Variants in NELL1 observed in about 807,000 individuals in gnomAD.
NELL1 encodes the protein neural EGFL like 1, also known as protein kinase C-binding protein NELL1.
A neutral mutation model predicts 107.4 loss-of-function variants in NELL1; 76 were observed. The observed-to-expected ratio is 0.71, with a 90% confidence interval of 0.59 to 0.86. NELL1 has a LOEUF of 0.86. NELL1 is among the 40% of genes least tolerant of loss of function. NELL1 has a pLI of 0.00. For synonymous variants in NELL1, 353 were observed against 341.2 expected, an observed-to-expected ratio of 1.03 and a Z score of -0.38; for missense variants, 1,024 against 1,005.5, an observed-to-expected ratio of 1.02 and a Z score of -0.25.
At chr11:20,710,526 C>T (rs890600635) in intron 2 of NELL1, among the ~76,000 whole-genome samples, 1 of 151,994 alleles carries the variant, frequency 6.6e-6, no homozygotes, top group African/African-American at 2.4e-5. Context: ...TATGTCCTTT[C>T]CTGGTTTTGG....
intron 3 of NELL1, among the ~76,000 whole-genome samples, chr11:20,844,050 G>A (rs1156729799): frequency 1.3e-5 from 2 of 152,200 alleles, no homozygotes; most frequent in Non-Finnish European, 2.9e-5. Context: ...TAGTTGATGG[G>A]AAAGTCAGTG....
chr11:20,995,331 C>T (rs976942237), intron 12 of NELL1, among the ~76,000 whole-genome samples: 2 of 152,002 alleles, frequency 1.3e-5, no homozygotes, highest in Non-Finnish European at 2.9e-5. Context: ...CCTGTAATCC[C>T]AGCACTTTGG....
At chr11:20,700,946 G>A (rs957417960) in intron 2 of NELL1, among the ~76,000 whole-genome samples, 1 of 152,134 alleles carries the variant, frequency 6.6e-6, no homozygotes, top group Non-Finnish European at 1.5e-5. Context: ...CTTTGCTATT[G>A]TGAATAGTGC....
At chr11:21,085,242 CAAAT>C (rs777902466) in intron 12 of NELL1, among the ~76,000 whole-genome samples, 3 of 152,104 alleles carry the variant, frequency 2.0e-5, no homozygotes, top group African/African-American at 4.8e-5. Context: ...AAATAGGTGA[CAAAT>C]AAAAAGTGAA....
chr11:21,549,442 A>G (rs899535301), intron 16 of NELL1, among the ~76,000 whole-genome samples: 1 of 151,934 alleles, frequency 6.6e-6, no homozygotes, highest in Non-Finnish European at 1.5e-5. Context: ...AAGATACATG[A>G]AAGATACATG....
chr11:21,011,967 A>G (rs138023976), intron 12 of NELL1, among the ~76,000 whole-genome samples: 44 of 152,310 alleles, frequency 2.9e-4, no homozygotes, highest in Admixed American at 7.8e-4. Context: ...TGTGAAGTGT[A>G]GAAAACTATT....
intron 15 of NELL1, among the ~76,000 whole-genome samples, chr11:21,465,734 T>C (rs913075094): frequency 6.6e-6 from 1 of 152,090 alleles, no homozygotes; most frequent in African/African-American, 2.4e-5. Context: ...CAAAAGCTCA[T>C]TCTAAAACAC....
chr11:21,126,651 C>T (rs1281141571), intron 13 of NELL1, among the ~76,000 whole-genome samples: 1 of 152,170 alleles, frequency 6.6e-6, no homozygotes, highest in African/African-American at 2.4e-5. Flanking sequence ...ACCTGTTCAC[C>T]ATATTTCCTT....
intron 5 of NELL1, among the ~76,000 whole-genome samples, chr11:20,893,387 TAAA>T (rs1022434139): frequency 2.7e-5 from 4 of 147,828 alleles, no homozygotes; most frequent in Non-Finnish European, 4.5e-5. Flanking sequence ...TTTTAATAAA[TAAA>T]AAAATAATTA....
intron 5 of NELL1, among the ~76,000 whole-genome samples, chr11:20,904,144 C>T (rs1849939566): frequency 6.6e-6 from 1 of 151,892 alleles, no homozygotes; most frequent in African/African-American, 2.4e-5. Context: ...ACCAGCATGG[C>T]ACATGCATAC....
At chr11:21,357,127 T>A (rs1207886119) in intron 14 of NELL1, among the ~76,000 whole-genome samples, 1 of 152,232 alleles carries the variant, frequency 6.6e-6, no homozygotes, top group Non-Finnish European at 1.5e-5. Context: ...TGCGCAGGTG[T>A]CTTTTTCATA....
Position 20,885,520 on chromosome 11 carries a change from C to T in NELL1, c.583C>T (p.Gln195Ter). 1 of 1,609,608 alleles carries T rather than the reference C, an allele frequency of 6.2e-7. No homozygotes were observed. Among genetic ancestry groups the T allele is most frequent in the Non-Finnish European group, 8.5e-7 (1 of 1,175,964 alleles). Residue 195 changes from glutamine (Q) to a stop codon, truncating the protein, a stop_gained, in exon 5 of 20, where the codon CAA (glutamine) becomes TAA (stop). Coordinates refer to ENST00000357134, the MANE Select transcript of NELL1 (RefSeq NM_006157.5). LOFTEE classifies it high-confidence loss of function. ...CAATTTATGGCTTGGCCAGCGCAAC[C>T]AAAAGCATGGCTTATTCAAAGTAAG... Reference protein sequence around the residue: ...GINLWLGQRNQKHGLFKGIIQ... With the variant: ...GINLWLGQRN
At chr11:21,557,708 A>C (rs1240157894) in intron 16 of NELL1, among the ~76,000 whole-genome samples, 1 of 152,048 alleles carries the variant, frequency 6.6e-6, no homozygotes, top group Non-Finnish European at 1.5e-5. Context: ...GGGCCTTCAC[A>C]GATGAGAACT....
chr11:21,292,329 T>C (rs754768504), intron 14 of NELL1, among the ~76,000 whole-genome samples: 6 of 152,120 alleles, frequency 3.9e-5, no homozygotes, highest in Non-Finnish European at 7.4e-5. Context: ...CTATTCACAA[T>C]TGCTACCAAG....
At position 20,724,975 on chromosome 11, in the gene NELL1, C is replaced by A. The variant is rs145925407; in HGVS notation, c.184+46915C>A. On this transcript the variant is annotated intron_variant, in intron 2 of 19. Transcript: ENST00000357134. ...CAAAGGGGAAGCAAGGCACGTCTTA[C>A]ATGTTGGCAGGAGAGAAAGAGAATG... Among the ~76,000 whole-genome samples, 402 of 152,328 alleles carry A rather than the reference C, an allele frequency of 2.6e-3. 1 individual carries two copies. Among genetic ancestry groups the A allele is most frequent in the African/African-American group, 9.3e-3 (385 of 41,572 alleles).
intron 2 of NELL1, among the ~76,000 whole-genome samples, chr11:20,742,475 C>T (rs1388647369): frequency 6.6e-6 from 1 of 152,138 alleles, no homozygotes; most frequent in Non-Finnish European, 1.5e-5. Flanking sequence ...TGTTCTCACA[C>T]TGCTAATAAA....
At chr11:21,323,596 A>G (rs1344565060) in intron 14 of NELL1, among the ~76,000 whole-genome samples, 1 of 152,078 alleles carries the variant, frequency 6.6e-6, no homozygotes, top group Non-Finnish European at 1.5e-5. Context: ...TACCTCTGAC[A>G]TGTCTCCAAG....
chr11:21,316,112 C>G (rs1292879258), intron 14 of NELL1, among the ~76,000 whole-genome samples: 2 of 151,950 alleles, frequency 1.3e-5, no homozygotes, highest in African/African-American at 4.8e-5. Context: ...TAGTAATATC[C>G]TCAATATGCC....
chr11:20,916,801 T>C (rs942146584), intron 5 of NELL1, among the ~76,000 whole-genome samples: 4 of 151,970 alleles, frequency 2.6e-5, no homozygotes, highest in Admixed American at 2.6e-4. Flanking sequence ...TGTGACAATT[T>C]CAGTTTGGAG....
Sources: allele counts gnomAD v4.1 joint callset (sites outside exome capture counted in the v4.1 genomes callset), GRCh38; gene constraint gnomAD v4.1.1; transcripts MANE v1.5; gene names NCBI Gene and HGNC (gene_info 2026-07-23, HGNC 2026-07-21).